The following NR1I2 variants were observed in gnomAD, a reference collection of about 807,000 sequenced individuals.
NR1I2 encodes the protein nuclear receptor subfamily 1 group I member 2.
A neutral mutation model predicts 43.3 loss-of-function variants in NR1I2; 42 were observed. That is an observed-to-expected ratio of 0.97 (90% CI 0.76 to 1.26). The LOEUF is 1.26. NR1I2 is among the 50% of genes most tolerant of loss of function. The pLI is 0.00. For missense variants in NR1I2, 559 were observed against 566.7 expected, an observed-to-expected ratio of 0.99 and a Z score of 0.14; for synonymous variants, 229 against 215.0, an observed-to-expected ratio of 1.06 and a Z score of -0.57.
chr3:119,816,478 G>C (rs2055330205), intron 8 of NR1I2, among the ~76,000 whole-genome samples: 1 of 152,034 alleles, frequency 6.6e-6, no homozygotes, highest in Non-Finnish European at 1.5e-5. Context: ...CCCCCAAACT[G>C]GTAGCTGCAA....
chr3:119,793,693 C>G (rs946556363), intron 1 of NR1I2, among the ~76,000 whole-genome samples: 2 of 152,226 alleles, frequency 1.3e-5, no homozygotes, highest in African/African-American at 4.8e-5. Context: ...ATTCAGCACA[C>G]TCCCCATCTC....
At chr3:119,808,153 GC>G (rs1277676973) in intron 2 of NR1I2, among the ~76,000 whole-genome samples, 1 of 152,198 alleles carries the variant, frequency 6.6e-6, no homozygotes, top group Non-Finnish European at 1.5e-5. Flanking sequence ...AATTGGTTTG[GC>G]AATAAGGAAA....
chr3:119,804,998 A>G (rs1447423139), intron 1 of NR1I2, among the ~76,000 whole-genome samples: 1 of 152,174 alleles, frequency 6.6e-6, no homozygotes, highest in Non-Finnish European at 1.5e-5. Flanking sequence ...TAGTTACTGC[A>G]TCCATCCATA....
chr3:119,785,405 T>G (rs1372817312), intron 1 of NR1I2, among the ~76,000 whole-genome samples: 2 of 152,178 alleles, frequency 1.3e-5, no homozygotes, highest in African/African-American at 4.8e-5. Flanking sequence ...GCCACACAAA[T>G]AGTGAGAATC....
chr3:119,783,336 T>C (rs1454246649), intron 1 of NR1I2, among the ~76,000 whole-genome samples: 2 of 152,134 alleles, frequency 1.3e-5, no homozygotes, highest in African/African-American at 4.8e-5. Context: ...CCATTCGTTA[T>C]GTATTGTATA....
intron 1 of NR1I2, among the ~76,000 whole-genome samples, chr3:119,798,150 ATATG>A (rs1242707591): frequency 6.6e-6 from 1 of 152,164 alleles, no homozygotes; most frequent in Non-Finnish European, 1.5e-5. Context: ...TGTCCGTAAC[ATATG>A]TTAGGCTATT....
intron 5 of NR1I2, among the ~76,000 whole-genome samples, 185 bp from the exon 6 acceptor site, chr3:119,814,794 T>C (rs2055294997): frequency 6.6e-6 from 1 of 152,098 alleles, no homozygotes; most frequent in African/African-American, 2.4e-5. Flanking sequence ...GGGGCAGAGC[T>C]GTCTGCTGGG....
At chr3:119,812,540 C>A in intron 4 of NR1I2, 146 bp from the exon 5 acceptor site, 1 of 822,394 alleles carries the variant, frequency 1.2e-6, no homozygotes, top group Non-Finnish European at 2.1e-6. Context: ...AGGACACACG[C>A]ATGCATGTGG....
At chr3:119,813,068 G>T in intron 5 of NR1I2, 108 bp downstream of exon 5, 5 of 1,252,576 alleles carry the variant, frequency 4.0e-6, no homozygotes, top group African/African-American at 2.9e-5. Flanking sequence ...GGTGTCAGAA[G>T]ACCCTCCTTT....
intron 1 of NR1I2, among the ~76,000 whole-genome samples, chr3:119,804,410 T>C (rs1351958437): frequency 6.7e-6 from 1 of 149,226 alleles, no homozygotes; most frequent in East Asian, 2.0e-4. Context: ...TTACATTTAA[T>C]ATATTTACAT....
intron 1 of NR1I2, among the ~76,000 whole-genome samples, chr3:119,784,431 T>C (rs1315708995): frequency 1.3e-5 from 2 of 152,214 alleles, no homozygotes; most frequent in African/African-American, 2.4e-5. Flanking sequence ...AGGAGTTTTT[T>C]ATTTATTCTC....
At chr3:119,799,760 A>G (rs539389283) in intron 1 of NR1I2, among the ~76,000 whole-genome samples, 1 of 152,204 alleles carries the variant, frequency 6.6e-6, no homozygotes, top group South Asian at 2.1e-4. Context: ...GGCATGGATC[A>G]CCTAAGGTCA....
intron 1 of NR1I2, among the ~76,000 whole-genome samples, chr3:119,800,233 T>A (rs59162145): frequency 0.078 from 11,833 of 152,172 alleles, 960 homozygotes; most frequent in African/African-American, 0.21. Context: ...TCCAAGCACC[T>A]TTTTTTAGCA....
At chr3:119,809,987 G>T (rs574303566) in intron 2 of NR1I2, 74 bp from the exon 3 acceptor site, 60 of 1,592,222 alleles carry the variant, frequency 3.8e-5, no homozygotes, top group South Asian at 2.3e-4. Context: ...GGAGGGAGGT[G>T]GTATGGCCCG....
chr3:119,782,882 G>T, intron 1 of NR1I2: 1 of 1,562,978 alleles, frequency 6.4e-7, no homozygotes, highest in Non-Finnish European at 8.8e-7. Flanking sequence ...TATTGAAAGG[G>T]CACCTTGTCC....
intron 7 of NR1I2, 125 bp from the exon 8 acceptor site, chr3:119,815,601 T>C (rs2055314848): frequency 9.7e-7 from 1 of 1,034,070 alleles, no homozygotes; most frequent in Non-Finnish European, 1.5e-6. Flanking sequence ...GCCCTGGTCT[T>C]CCTTCACTTC....
In NR1I2 at chr3:119,818,357, T is replaced by G; in HGVS notation, c.*1145T>G. 1 of 985,262 alleles carries G rather than the reference T, an allele frequency of 1.0e-6. No individual in the cohort carries two copies. The highest frequency in any genetic ancestry group is 1.2e-6 in the Non-Finnish European group (1 of 829,820). 61.0% of individuals were successfully genotyped at this position (985,262 alleles called of 1,614,324 possible). ...GTTTATAGCCACTTGTGAGTAAAAATTTTTTTGCATTTTCACAAATTATAC... is the reference window on the plus strand; with the variant it reads ...GTTTATAGCCACTTGTGAGTAAAAAGTTTTTTGCATTTTCACAAATTATAC... On this transcript the variant is annotated 3_prime_UTR_variant, in exon 9 of 9. Coordinates refer to ENST00000393716, the MANE Select transcript of NR1I2 (RefSeq NM_003889.4).
chr3:119,817,203 AG>A lies in NR1I2; in HGVS notation c.1298del (p.Gly433ValfsTer50), dbSNP rs757746181. On this transcript the variant is annotated frameshift_variant, in exon 9 of 9. Coordinates refer to ENST00000393716, the MANE Select transcript of NR1I2 (RefSeq NM_003889.4). LOFTEE classifies it high-confidence loss of function. ...TCATGCAGGAGTTGTTCGGCATCAC[AG>A]GTAGCTGAGCGGCTGCCCTTGGGTG... The A allele has an allele frequency of 1.2e-6, 2 of 1,613,992 alleles. No individual in the cohort carries two copies. Among genetic ancestry groups the A allele is most frequent in the South Asian group, 2.2e-5 (2 of 91,082 alleles).
At chr3:119,816,573 C>A (rs1393291016) in intron 8 of NR1I2, among the ~76,000 whole-genome samples, 1 of 152,158 alleles carries the variant, frequency 6.6e-6, no homozygotes, top group Admixed American at 6.5e-5. Flanking sequence ...ATAATCCCAG[C>A]ACTTTGAGAG....
Sources: allele counts gnomAD v4.1 joint callset (sites outside exome capture counted in the v4.1 genomes callset), GRCh38; gene constraint gnomAD v4.1.1; transcripts MANE v1.5; gene names NCBI Gene and HGNC (gene_info 2026-07-23, HGNC 2026-07-21).